Variants in NRXN1 observed in about 807,000 individuals in gnomAD.
The protein encoded by NRXN1 is neurexin 1, also known as neurexin-1.
NRXN1 carries 39 observed loss-of-function variants against 150.9 expected under a neutral mutation model. The observed-to-expected ratio is 0.26, with a 90% CI of 0.20 to 0.34. The LOEUF (loss-of-function observed/expected upper bound fraction) is 0.34, where lower values mean the gene tolerates loss of function less well. Ranked by LOEUF, NRXN1 falls within the 10% of genes least tolerant of loss-of-function variation. The pLI, the probability that NRXN1 is intolerant of heterozygous loss-of-function variation, is 1.00. For missense variants in NRXN1, 1,815 were observed against 1,949.9 expected (o/e 0.93, Z 1.30); for synonymous variants, 924 against 757.0 (o/e 1.22, Z -3.62).
intron 17 of NRXN1, among the ~76,000 whole-genome samples, chr2:50,266,544 C>T (rs1031452606): frequency 1.7e-3 from 190 of 113,416 alleles, no homozygotes; most frequent in African/African-American, 6.1e-3. Flanking sequence ...AATACACACA[C>T]ACACACACAC....
chr2:50,817,569 G>A (rs1669113038), intron 5 of NRXN1, among the ~76,000 whole-genome samples: 2 of 151,938 alleles, frequency 1.3e-5, no homozygotes, highest in Non-Finnish European at 2.9e-5. Flanking sequence ...AAAACAACAG[G>A]CCAATATCCC....
intron 18 of NRXN1, among the ~76,000 whole-genome samples, chr2:50,158,717 G>A (rs1472889639): frequency 6.6e-6 from 1 of 152,042 alleles, no homozygotes; most frequent in African/African-American, 2.4e-5. Flanking sequence ...CATCACCAGT[G>A]GAATATTGTT....
At chr2:50,837,817 C>T (rs1220015852) in intron 5 of NRXN1, among the ~76,000 whole-genome samples, 2 of 151,920 alleles carry the variant, frequency 1.3e-5, no homozygotes, top group African/African-American at 2.4e-5. Flanking sequence ...ATTCCTTATA[C>T]AAAAATAACA....
At chr2:50,258,154 A>G (rs2152907101) in intron 17 of NRXN1, among the ~76,000 whole-genome samples, 1 of 152,152 alleles carries the variant, frequency 6.6e-6, no homozygotes, top group Non-Finnish European at 1.5e-5. Context: ...TTAAAACAAG[A>G]CAACAGTGCA....
intron 2 of NRXN1, among the ~76,000 whole-genome samples, chr2:50,934,547 A>G (rs928661439): frequency 1.3e-5 from 2 of 152,184 alleles, no homozygotes; most frequent in African/African-American, 4.8e-5. Context: ...CAATAGCCAC[A>G]TGTAGCCACT....
intron 21 of NRXN1, among the ~76,000 whole-genome samples, chr2:50,010,322 C>T (rs1028994943): frequency 6.6e-6 from 1 of 152,064 alleles, no homozygotes; most frequent in Non-Finnish European, 1.5e-5. Context: ...CTACCATAAA[C>T]CAAAGATTTC....
At chr2:50,333,429 G>A (rs2076959389) in intron 17 of NRXN1, among the ~76,000 whole-genome samples, 2 of 152,146 alleles carry the variant, frequency 1.3e-5, no homozygotes. Context: ...ATGTGAAAAT[G>A]AAAATGAACC....
chr2:50,111,095 T>C (rs1487422289), intron 18 of NRXN1, among the ~76,000 whole-genome samples: 1 of 152,188 alleles, frequency 6.6e-6, no homozygotes, highest in Non-Finnish European at 1.5e-5. Context: ...CCCGTTATTT[T>C]AGATTGTCCC....
intron 5 of NRXN1, among the ~76,000 whole-genome samples, chr2:50,689,981 G>A (rs1331985478): frequency 6.6e-6 from 1 of 151,584 alleles, no homozygotes; most frequent in Admixed American, 6.6e-5. Flanking sequence ...CTGCCTCTGG[G>A]GCTCAAGCAA....
At chr2:50,141,866 G>C (rs1707321702) in intron 18 of NRXN1, among the ~76,000 whole-genome samples, 1 of 151,994 alleles carries the variant, frequency 6.6e-6, no homozygotes, top group Non-Finnish European at 1.5e-5. Context: ...ATGTAAATTA[G>C]TACAGCCATT....
chr2:50,236,724 A>G, intron 18 of NRXN1, 65 bp downstream of exon 18: 4 of 1,507,792 alleles, frequency 2.7e-6, no homozygotes, highest in Non-Finnish European at 3.7e-6. Context: ...AAGCAAAATT[A>G]TAAATTCTTT....
intron 18 of NRXN1, among the ~76,000 whole-genome samples, chr2:50,109,788 A>G (rs1702138814): frequency 6.6e-6 from 1 of 152,150 alleles, no homozygotes; most frequent in Non-Finnish European, 1.5e-5. Flanking sequence ...GATAGTATAA[A>G]TGTATCCAGA....
At chr2:50,563,645 G>A (rs547214451) in intron 8 of NRXN1, among the ~76,000 whole-genome samples, 2 of 152,310 alleles carry the variant, frequency 1.3e-5, no homozygotes, top group South Asian at 2.1e-4. Flanking sequence ...TTCAGAGGGA[G>A]TCAACAGTGG....
chr2:50,377,274 T>C (rs556437432), intron 17 of NRXN1, among the ~76,000 whole-genome samples: 3 of 152,152 alleles, frequency 2.0e-5, no homozygotes, highest in Non-Finnish European at 2.9e-5. Context: ...CAGGCCCCAG[T>C]GTGTGTTATT....
intron 17 of NRXN1, among the ~76,000 whole-genome samples, chr2:50,257,075 T>G (rs1007228814): frequency 6.6e-6 from 1 of 152,134 alleles, no homozygotes; most frequent in African/African-American, 2.4e-5. Context: ...TTTAACCTTA[T>G]GAGGCAAGTA....
intron 17 of NRXN1, among the ~76,000 whole-genome samples, chr2:50,374,171 A>C (rs2153022826): frequency 6.6e-6 from 1 of 151,718 alleles, no homozygotes; most frequent in South Asian, 2.1e-4. Context: ...GTGGGGGCAC[A>C]CCTGTAGTCC....
rs527876225 is a variant in NRXN1, at chr2:50,704,589, CT to C, written c.833-80975del. ...TATATGAGAAAATTAGGTCATATCA[CT>C]TTTTTTTTTTAACATTGTTAGTCTT... On this transcript the variant is annotated intron_variant, in intron 5 of 22. Transcript: ENST00000401669. Among the ~76,000 whole-genome samples the C allele has an allele frequency of 3.7e-3, 542 of 144,682 alleles. 1 individual carries two copies. The highest frequency in any genetic ancestry group is 9.1e-3 in the African/African-American group (361 of 39,790). The allele number at this position is 144,682 out of a possible 152,430, so 94.9% of individuals were successfully genotyped here.
chr2:50,869,093 C>T (rs535201125), intron 5 of NRXN1, among the ~76,000 whole-genome samples: 2 of 151,804 alleles, frequency 1.3e-5, no homozygotes, highest in Non-Finnish European at 2.9e-5. Flanking sequence ...GTGTTTTCTC[C>T]CTTTTTTAAA....
chr2:50,200,184 T>C (rs1479311926), intron 18 of NRXN1, among the ~76,000 whole-genome samples: 1 of 152,206 alleles, frequency 6.6e-6, no homozygotes, highest in East Asian at 1.9e-4. Flanking sequence ...TGAAGCTTTA[T>C]GTATTACATA....
Sources: gnomAD v4.1 joint callset for allele counts (sites outside exome capture counted in the v4.1 genomes callset) on GRCh38, gnomAD v4.1.1 for gene constraint, MANE v1.5 for transcripts, NCBI Gene and HGNC (gene_info 2026-07-23, HGNC 2026-07-21) for gene names.